IL7: variants seen among roughly 807,000 people sequenced by gnomAD.
IL7 encodes interleukin-7.
IL7 carries 3 observed loss-of-function variants against 21.6 expected under a neutral mutation model. The observed-to-expected ratio is 0.14, with a 90% CI of 0.06 to 0.36. The LOEUF is 0.36. IL7 is among the 10% of genes least tolerant of loss of function. IL7 has a pLI of 1.00. For missense variants in IL7, 175 were observed against 200.2 expected (o/e 0.87, Z 0.76); for synonymous variants, 62 against 68.1 (o/e 0.91, Z 0.44).
intron 2 of IL7, among the ~76,000 whole-genome samples, chr8:78,784,553 T>TTA (rs1813447705): frequency 6.6e-6 from 1 of 152,000 alleles, no homozygotes; most frequent in African/African-American, 2.4e-5. Context: ...TAAAATAACA[T>TTA]TTAAGTTTTT....
intron 2 of IL7, among the ~76,000 whole-genome samples, chr8:78,753,835 C>T (rs564304462): frequency 6.6e-6 from 1 of 152,148 alleles, no homozygotes; most frequent in Non-Finnish European, 1.5e-5. Flanking sequence ...ATAGGGAAAC[C>T]TTTCCCCATT....
intron 2 of IL7, among the ~76,000 whole-genome samples, chr8:78,771,621 A>T (rs1012891844): frequency 5.9e-5 from 9 of 152,120 alleles, no homozygotes; most frequent in African/African-American, 2.2e-4. Context: ...AAAGCATTCA[A>T]CTGGGGTCTT....
intron 3 of IL7, chr8:78,686,523 T>C (rs1176799728): frequency 1.3e-6 from 2 of 1,552,320 alleles, no homozygotes; most frequent in Non-Finnish European, 1.7e-6. Context: ...AATTCATTGC[T>C]ACCATAAGAG....
chr8:78,773,427 A>C (rs1813026271), intron 2 of IL7, among the ~76,000 whole-genome samples: 1 of 152,100 alleles, frequency 6.6e-6, no homozygotes. Flanking sequence ...CTGTCTTTAA[A>C]TTTGGGTGCG....
rs565629814 is a variant in IL7, at chr8:78,703,396, C to T, written n.215-17449G>A. On this transcript the variant is annotated intron_variant and non_coding_transcript_variant, in intron 3 of 4. Transcript: ENST00000523959. ...AGGTGTTAAAGTCTCCCACTATTAT[C>T]GTGTGAGAGTCTAAGTCTCATTGAA... is the stretch of plus-strand genomic sequence containing the variant. Among the ~76,000 whole-genome samples the T allele has an allele frequency of 1.4e-3, 218 of 152,220 alleles. 1 individual carries two copies. The highest frequency in any genetic ancestry group is 4.7e-3 in the African/African-American group (197 of 41,552).
At chr8:78,739,863 G>T (rs1811720504) in intron 3 of IL7, 139 bp downstream of exon 3, 1 of 703,052 alleles carries the variant, frequency 1.4e-6, no homozygotes, top group Non-Finnish European at 2.0e-6. Flanking sequence ...TTGGGCCATA[G>T]TATGATTTAA....
chr8:78,708,457 C>T (rs569102564), intron 3 of IL7, among the ~76,000 whole-genome samples: 2 of 152,022 alleles, frequency 1.3e-5, no homozygotes, highest in Non-Finnish European at 2.9e-5. Context: ...GTGGGAGAGT[C>T]GCTTGAACCC....
chr8:78,687,878 T>G (rs1810070413), intron 3 of IL7, among the ~76,000 whole-genome samples: 1 of 130,854 alleles, frequency 7.6e-6, no homozygotes, highest in Admixed American at 9.1e-5. Flanking sequence ...ATAATAAATA[T>G]ATATTTATAT....
chr8:78,717,564 C>G (rs1453877247), downstream of IL7: 8 of 1,450,744 alleles, frequency 5.5e-6, no homozygotes, highest in East Asian at 9.1e-5. Context: ...AGCTAGAGCA[C>G]ATCCTCTAGT....
At chr8:78,706,625 G>A (rs978059092) in intron 3 of IL7, among the ~76,000 whole-genome samples, 4 of 152,072 alleles carry the variant, frequency 2.6e-5, no homozygotes, top group African/African-American at 9.7e-5. Context: ...GTTCTCTGTG[G>A]GTCAAGTTGT....
downstream of IL7, among the ~76,000 whole-genome samples, chr8:78,732,389 A>C (rs2130653140): frequency 6.6e-6 from 1 of 152,238 alleles, no homozygotes; most frequent in African/African-American, 2.4e-5. Context: ...AGGTGTTACC[A>C]ACACACACTG....
intron 2 of IL7, among the ~76,000 whole-genome samples, chr8:78,770,175 T>C (rs1223268524): frequency 1.3e-5 from 2 of 151,922 alleles, no homozygotes; most frequent in African/African-American, 4.8e-5. Flanking sequence ...AAAAGCCAAA[T>C]GGACTAATCT....
At chr8:78,797,665 TAC>T in intron 2 of IL7, among the ~76,000 whole-genome samples, 2 of 152,130 alleles carry the variant, frequency 1.3e-5, no homozygotes, top group Middle Eastern at 6.8e-3. Flanking sequence ...ACTATGCATC[TAC>T]ACACAGCCAA....
At chr8:78,800,500 C>T (rs1263963143) in intron 1 of IL7, among the ~76,000 whole-genome samples, 1 of 152,120 alleles carries the variant, frequency 6.6e-6, no homozygotes, top group Non-Finnish European at 1.5e-5. Flanking sequence ...GGCTCTTACT[C>T]TTTTGTACAG....
At chr8:78,796,570 A>T (rs779389044) in intron 2 of IL7, among the ~76,000 whole-genome samples, 1 of 151,988 alleles carries the variant, frequency 6.6e-6, no homozygotes, top group Non-Finnish European at 1.5e-5. Flanking sequence ...AAGAAGACTC[A>T]ATATTGTTAA....
intron 2 of IL7, among the ~76,000 whole-genome samples, chr8:78,754,455 C>A (rs1308394820): frequency 6.6e-6 from 1 of 152,096 alleles, no homozygotes; most frequent in Admixed American, 6.6e-5. Context: ...GTGAAAATGG[C>A]CATACTGCCC....
At chr8:78,737,939 G>A (rs1246776267) in intron 4 of IL7, among the ~76,000 whole-genome samples, 1 of 152,068 alleles carries the variant, frequency 6.6e-6, no homozygotes, top group African/African-American at 2.4e-5. Context: ...TGTAGATAAG[G>A]AAACTGCTGT....
chr8:78,755,436 T>C (rs900357986), intron 2 of IL7, among the ~76,000 whole-genome samples: 2 of 152,238 alleles, frequency 1.3e-5, no homozygotes, highest in South Asian at 2.1e-4. Context: ...ATTTTAACAA[T>C]ATTAATTTTT....
At chr8:78,766,736 C>T (rs1812765837) in intron 2 of IL7, among the ~76,000 whole-genome samples, 1 of 152,084 alleles carries the variant, frequency 6.6e-6, no homozygotes, top group Non-Finnish European at 1.5e-5. Context: ...AATATTTGCT[C>T]CTACCAACAA....
Sources: gnomAD v4.1 joint callset for allele counts (sites outside exome capture counted in the v4.1 genomes callset) on GRCh38, gnomAD v4.1.1 for gene constraint, MANE v1.5 for transcripts, NCBI Gene and HGNC (gene_info 2026-07-23, HGNC 2026-07-21) for gene names.